MYOCD: variants seen among roughly 807,000 people sequenced by gnomAD.
MYOCD encodes myocardin.
Under a neutral mutation model 96.1 loss-of-function variants are expected in MYOCD, and 32 were observed. The ratio of observed to expected loss-of-function variants is 0.33; its 90% CI spans 0.25 to 0.45. MYOCD has a LOEUF of 0.45. Ranked by LOEUF, MYOCD falls within the 20% of genes least tolerant of loss-of-function variation. MYOCD has a pLI of 1.00. For synonymous variants in MYOCD, 469 were observed against 469.0 expected (o/e 1.00, Z 0.00); for missense variants, 1,133 against 1,200.6 (o/e 0.94, Z 0.83).
intron 7 of MYOCD, among the ~76,000 whole-genome samples, chr17:12,741,466 G>C (rs1349773265): frequency 6.6e-6 from 1 of 152,200 alleles, no homozygotes; most frequent in East Asian, 1.9e-4. Context: ...CCAGCACTTT[G>C]GGAGGCCGAG....
At chr17:12,674,574 A>G (rs1909899127) in intron 1 of MYOCD, among the ~76,000 whole-genome samples, 1 of 152,254 alleles carries the variant, frequency 6.6e-6, no homozygotes, top group African/African-American at 2.4e-5. Flanking sequence ...TCTAGGAGTT[A>G]GTACCAGAAG....
chr17:12,666,585 G>A (rs1343752320), intron 1 of MYOCD, among the ~76,000 whole-genome samples: 2 of 152,186 alleles, frequency 1.3e-5, no homozygotes, highest in Non-Finnish European at 2.9e-5. Context: ...TGGAAGCTGC[G>A]TAGTATCGGT....
rs2033331041 is a variant in MYOCD at position 12,766,057 on chromosome 17, C to G, written c.*2413C>G. ...GGAAGAAAACCTTATTAATACACTC[C>G]ACACATTTGTTCATTCCTCAGCTGT... On this transcript the variant is annotated 3_prime_UTR_variant, in exon 14 of 14. Transcript: ENST00000425538. 6.6e-6 allele frequency: 1 copy of G among 152,154 alleles called. No homozygotes were observed. The highest frequency in any genetic ancestry group is 1.5e-5 in the Non-Finnish European group (1 of 68,034). 9.4% of individuals were successfully genotyped at this position (152,154 alleles called of 1,614,324 possible).
chr17:12,732,465 G>T (rs542338431), intron 5 of MYOCD, among the ~76,000 whole-genome samples: 1 of 152,078 alleles, frequency 6.6e-6, no homozygotes, highest in African/African-American at 2.4e-5. Flanking sequence ...ACTTCGCATC[G>T]CTGTCTCCTC....
In MYOCD at chr17:12,715,389, T is replaced by C. The variant is rs75727882; in HGVS notation, c.122-130T>C. ...TGTCCTCCAGGCCTGTCCTCTCTCA[T>C]TGCTTGTGGCCTAATAAAGGCAATC... On this transcript the variant is annotated intron_variant, in intron 2 of 13. Coordinates refer to ENST00000425538, the MANE Select transcript of MYOCD (RefSeq NM_001146312.3). The C allele has an allele frequency of 9.7e-4, 607 of 626,330 alleles. 3 individuals carry two copies. In the African/African-American group the frequency reaches 0.01, roughly 10 times the overall value. 38.8% of individuals were successfully genotyped at this position (626,330 alleles called of 1,614,324 possible).
rs2033327092 is a variant in MYOCD at position 12,765,933 on chromosome 17, C to T, written c.*2289C>T. The T allele has an allele frequency of 1.3e-5, 2 of 152,180 alleles. No individual in the cohort carries two copies. Among genetic ancestry groups the T allele is most frequent in the Admixed American group, 1.3e-4 (2 of 15,268 alleles). The allele number at this position is 152,180 out of a possible 1,614,324, so 9.4% of individuals were successfully genotyped here. A position where few individuals can be genotyped will look rare whatever the true frequency, so the allele number is the denominator to read the frequency against. On this transcript the variant is annotated 3_prime_UTR_variant, in exon 14 of 14. Transcript: ENST00000425538. ...TCTGTATTGTGCTTTAAAAGATCCACATGGTAAATTTTTTATTTTGCTTTT... is the reference window on the plus strand; with the variant it reads ...TCTGTATTGTGCTTTAAAAGATCCATATGGTAAATTTTTTATTTTGCTTTT...
Position 12,683,258 on chromosome 17 carries a change from C to T in MYOCD, c.55+17015C>T, listed in dbSNP as rs539771555. ...GGGATGCCCATCCTCAGAACAAAAA[C>T]TAGGACTAGGAAGAGAGACAAAAAC... On this transcript the variant is annotated intron_variant, in intron 1 of 13. Transcript: ENST00000425538. Among the ~76,000 whole-genome samples the T allele has an allele frequency of 5.3e-5, 8 of 152,268 alleles. No individual in the cohort carries two copies. In the South Asian group the frequency reaches 1.7e-3, roughly 32 times the overall value.
At chr17:12,699,661 C>T (rs1004917924) in intron 1 of MYOCD, among the ~76,000 whole-genome samples, 1 of 152,084 alleles carries the variant, frequency 6.6e-6, no homozygotes, top group Admixed American at 6.6e-5. Context: ...TTTATTATAA[C>T]ATAACTCTGA....
chr17:12,699,189 G>T (rs2030936456), intron 1 of MYOCD, among the ~76,000 whole-genome samples: 1 of 151,778 alleles, frequency 6.6e-6, no homozygotes, highest in Non-Finnish European at 1.5e-5. Context: ...CAGTGGCCCA[G>T]TCTTGGCTCA....
At chr17:12,694,044 G>T (rs900047718) in intron 1 of MYOCD, among the ~76,000 whole-genome samples, 8 of 152,168 alleles carry the variant, frequency 5.3e-5, no homozygotes, top group African/African-American at 1.7e-4. Flanking sequence ...CCAAAAAGGT[G>T]AATGAAGAGA....
At chr17:12,697,715 G>T (rs1033527532) in intron 1 of MYOCD, among the ~76,000 whole-genome samples, 1 of 151,818 alleles carries the variant, frequency 6.6e-6, no homozygotes, top group African/African-American at 2.4e-5. Context: ...TGCTCAGTTT[G>T]CCATCTTGAA....
At chr17:12,731,770 TG>T (rs1234008771) in intron 5 of MYOCD, among the ~76,000 whole-genome samples, 3 of 152,152 alleles carry the variant, frequency 2.0e-5, no homozygotes, top group African/African-American at 7.2e-5. Context: ...CCCAGGGCCT[TG>T]TGGGCCACAC....
intron 2 of MYOCD, 139 bp downstream of exon 2, chr17:12,705,332 C>T: frequency 1.7e-6 from 1 of 599,918 alleles, no homozygotes; most frequent in Non-Finnish European, 3.0e-6. Flanking sequence ...CAGCAGAAAT[C>T]CCAGACCTTG....
At position 12,744,291 on chromosome 17, in the gene MYOCD, G is replaced by C. The variant is rs949528816; in HGVS notation, c.826G>C (p.Glu276Gln). 3.7e-6 allele frequency: 6 copies of C among 1,614,210 alleles called. No individual in the cohort carries two copies. Among genetic ancestry groups the C allele is most frequent in the African/African-American group, 1.3e-5 (1 of 75,060 alleles). Residue 276 changes from glutamate to glutamine, a missense_variant, in exon 8 of 14, where the codon GAG becomes CAG. Physicochemically the swap from Glu to Gln is conservative, Grantham distance 29. Coordinates refer to ENST00000425538, the MANE Select transcript of MYOCD (RefSeq NM_001146312.3). ...HQYIPPDQKAEKSPPPMDSAY... is the reference protein window; with the variant it reads ...HQYIPPDQKAQKSPPPMDSAY... ...GTACATTCCCCCAGACCAGAAGGCAGAGAAGTCCCCTCCACCTATGGACTC... is the reference window on the plus strand; with the variant it reads ...GTACATTCCCCCAGACCAGAAGGCACAGAAGTCCCCTCCACCTATGGACTC...
intron 1 of MYOCD, among the ~76,000 whole-genome samples, chr17:12,682,307 A>T (rs1248810276): frequency 6.6e-6 from 1 of 152,238 alleles, no homozygotes; most frequent in Non-Finnish European, 1.5e-5. Flanking sequence ...AGAGTTGTAC[A>T]TATGATGTGT....
chr17:12,724,014 A>G (rs191260457), intron 5 of MYOCD, among the ~76,000 whole-genome samples: 3 of 152,294 alleles, frequency 2.0e-5, no homozygotes, highest in Admixed American at 1.3e-4. Context: ...GAGGCAATAT[A>G]CTTGTCTGTC....
intron 1 of MYOCD, among the ~76,000 whole-genome samples, chr17:12,700,166 C>T (rs2030994341): frequency 6.6e-6 from 1 of 151,944 alleles, no homozygotes; most frequent in Non-Finnish European, 1.5e-5. Context: ...ACCTTGGCCT[C>T]CCAAAATGCT....
chr17:12,739,425 G>A (rs2032442763), intron 7 of MYOCD, 97 bp downstream of exon 7: 2 of 1,356,034 alleles, frequency 1.5e-6, no homozygotes, highest in South Asian at 1.8e-5. Flanking sequence ...AACACGAGGA[G>A]AGTTACACGG....
intron 1 of MYOCD, among the ~76,000 whole-genome samples, chr17:12,677,139 A>C (rs1488980659): frequency 6.6e-6 from 1 of 152,164 alleles, no homozygotes; most frequent in Non-Finnish European, 1.5e-5. Flanking sequence ...TCTTTAGCAA[A>C]CTAATGCAAG....
Sources: gnomAD v4.1 joint callset for allele counts (sites outside exome capture counted in the v4.1 genomes callset) on GRCh38, gnomAD v4.1.1 for gene constraint, MANE v1.5 for transcripts, NCBI Gene and HGNC (gene_info 2026-07-23, HGNC 2026-07-21) for gene names.